Variants in ZNF454 observed in about 807,000 individuals in gnomAD.
The protein encoded by ZNF454 is zinc finger protein 454.
In ZNF454, 30 loss-of-function variants were observed where a neutral mutation model predicts 48.2. The ratio of observed to expected loss-of-function variants is 0.62; its 90% CI spans 0.47 to 0.84. The LOEUF (loss-of-function observed/expected upper bound fraction) is 0.84. Among genes scored for constraint, ZNF454 ranks in the 40% least tolerant of loss-of-function variants. ZNF454 has a pLI of 0.00. For missense variants in ZNF454, 510 were observed against 623.1 expected, an observed-to-expected ratio of 0.82 and a Z score of 1.93; for synonymous variants, 204 against 211.4, an observed-to-expected ratio of 0.97 and a Z score of 0.30.
chr5:178,985,658 G>C, the ZNF454 span: 339 of 392,258 alleles, frequency 8.6e-4, 2 homozygotes, highest in Admixed American at 4.0e-3. Flanking sequence ...AGCTGAGATA[G>C]TGCCACTGCA....
At chr5:178,953,193 T>A (rs1759625027) in intron 4 of ZNF454, among the ~76,000 whole-genome samples, 1 of 152,114 alleles carries the variant, frequency 6.6e-6, no homozygotes, top group South Asian at 2.1e-4. Context: ...CCCTGCCCCT[T>A]CAGTGACTCC....
the ZNF454 span, chr5:178,978,768 A>C: frequency 6.6e-6 from 1 of 152,254 alleles, no homozygotes; most frequent in Non-Finnish European, 1.5e-5. Flanking sequence ...CCTTCGGTGC[A>C]GGTCAGCTCT....
Position 178,946,288 on chromosome 5 carries a change from G to T in ZNF454, c.34-71G>T. ...AAATGCGCACAAGCTCCTAGGGGCT[G>T]CCAGTCTCTTTTCCAGAGAACCATG... On this transcript the variant is annotated intron_variant, in intron 2 of 4. Transcript: ENST00000519564. The surrounding 1 kb of genome is among the most constrained non-coding windows in gnomAD (Gnocchi z 4.5). The T allele has an allele frequency of 6.3e-7, 1 of 1,583,196 alleles. No individual in the cohort carries two copies. Among genetic ancestry groups the T allele is most frequent in the Non-Finnish European group, 8.5e-7 (1 of 1,170,010 alleles).
the ZNF454 span, among the ~76,000 whole-genome samples, chr5:178,973,789 G>GC: frequency 1.4e-5 from 2 of 147,678 alleles, no homozygotes; most frequent in South Asian, 4.3e-4. Context: ...CTTGCAGTGA[G>GC]CCGAGATCGC....
the ZNF454 span, chr5:178,983,440 C>T: frequency 5.7e-6 from 4 of 697,716 alleles, no homozygotes; most frequent in South Asian, 6.0e-5. Flanking sequence ...AGGCCCGTGA[C>T]CTGGCAGCTG....
At chr5:178,985,698 G>C in the ZNF454 span, 3 of 310,656 alleles carry the variant, frequency 9.7e-6, no homozygotes, top group Admixed American at 4.2e-5. Flanking sequence ...GCGAGACTCT[G>C]TCTAAAAAAA....
At chr5:178,957,655 A>AG in intron 4 of ZNF454, among the ~76,000 whole-genome samples, 1 of 152,212 alleles carries the variant, frequency 6.6e-6, no homozygotes, top group South Asian at 2.1e-4. Context: ...CAATGTAGGT[A>AG]GGGGTAGGTC....
the ZNF454 span, among the ~76,000 whole-genome samples, chr5:178,976,995 G>A: frequency 6.6e-6 from 1 of 152,298 alleles, no homozygotes; most frequent in East Asian, 1.9e-4. Context: ...TGTTAGGAGA[G>A]TCTGCAGGTA....
chr5:178,973,005 A>AG, the ZNF454 span, among the ~76,000 whole-genome samples: 1 of 151,578 alleles, frequency 6.6e-6, no homozygotes, highest in Non-Finnish European at 1.5e-5. Flanking sequence ...AAAAAAAAAA[A>AG]AAAACCCAGA....
the ZNF454 span, chr5:178,985,144 C>T: frequency 7.9e-6 from 3 of 378,438 alleles, no homozygotes; most frequent in African/African-American, 2.1e-5. Flanking sequence ...CACACTGCCC[C>T]AGGGAGCAGG....
At chr5:178,968,567 G>A (rs1463331259), downstream of ZNF454, among the ~76,000 whole-genome samples, 1 of 152,140 alleles carries the variant, frequency 6.6e-6, no homozygotes, top group Non-Finnish European at 1.5e-5. Flanking sequence ...GAGGTTTCTT[G>A]GGATTGCTTG....
chr5:178,989,093 C>T, the ZNF454 span: 4 of 1,614,058 alleles, frequency 2.5e-6, no homozygotes, highest in Non-Finnish European at 3.4e-6. Flanking sequence ...CTGCACCTTG[C>T]CCTCCTGCTC....
the ZNF454 span, chr5:178,983,327 A>G: frequency 7.5e-5 from 71 of 942,086 alleles, no homozygotes; most frequent in Admixed American, 4.2e-4. Context: ...GCTCTGGCCT[A>G]TGGAGGGGAT....
At chr5:178,976,178 C>G in the ZNF454 span, 1 of 440,742 alleles carries the variant, frequency 2.3e-6, no homozygotes, top group Non-Finnish European at 4.6e-6. Context: ...GAAGCCTGTA[C>G]TGGATTGCCC....
rs1759238048 is a variant in ZNF454, at chr5:178,944,554, CT to C, written c.33+1731del. 2.6e-5 allele frequency among the ~76,000 whole-genome samples: 4 copies of C among 152,210 alleles called. No homozygotes were observed. The highest frequency in any genetic ancestry group is 5.9e-5 in the Non-Finnish European group (4 of 68,042). On this transcript the variant is annotated intron_variant, in intron 2 of 4. Transcript: ENST00000519564. This position sits in a 1 kb window ranked among gnomAD's most constrained non-coding sequence, Gnocchi z 4.1. ...TTCCATCCAAGTGTTTCTTGACTGC[CT>C]GTCATGGGCCAAGTCTCTGGGTGCA...
the ZNF454 span, chr5:178,981,849 G>A: frequency 6.2e-7 from 1 of 1,604,298 alleles, no homozygotes; most frequent in African/African-American, 1.3e-5. This position sits in a 1 kb window ranked among gnomAD's most constrained non-coding sequence, Gnocchi z 5.1. Context: ...TTGTCTGGAT[G>A]TAGATCTAGG....
At chr5:178,979,263 G>A in the ZNF454 span, 1 of 152,158 alleles carries the variant, frequency 6.6e-6, no homozygotes, top group Non-Finnish European at 1.5e-5. Flanking sequence ...ATAACATAAA[G>A]AAATGATCAC....
chr5:178,969,615 A>C (rs1760211387), downstream of ZNF454: 1 of 456,694 alleles, frequency 2.2e-6, no homozygotes. Flanking sequence ...TGTAGTACAC[A>C]AGACTGCTCT....
At chr5:178,968,618 C>G (rs1194626525), downstream of ZNF454, 6 of 364,692 alleles carry the variant, frequency 1.6e-5, no homozygotes, top group African/African-American at 6.3e-5. Flanking sequence ...CTTCACGCAG[C>G]TGACACCCTC....
Sources: allele counts gnomAD v4.1 joint callset (sites outside exome capture counted in the v4.1 genomes callset), GRCh38; gene constraint gnomAD v4.1.1; non-coding constraint Gnocchi (gnomAD v3.1); transcripts MANE v1.5; gene names NCBI Gene and HGNC (gene_info 2026-07-23, HGNC 2026-07-21).